The following RPH3A variants were observed in gnomAD, a reference collection of about 807,000 sequenced individuals.
RPH3A encodes the protein rabphilin 3A, also known as rabphilin-3A.
In RPH3A, 48 loss-of-function variants were observed where a neutral mutation model predicts 102.2. The observed-to-expected ratio is 0.47, with a 90% CI of 0.37 to 0.60. The LOEUF is 0.60. Ranked by LOEUF, RPH3A falls within the 20% of genes least tolerant of loss-of-function variation. The pLI, the probability that RPH3A is intolerant of heterozygous loss-of-function variation, is 0.00. For missense variants in RPH3A, 781 were observed against 910.1 expected, an observed-to-expected ratio of 0.86 and a Z score of 1.83; for synonymous variants, 310 against 324.3, an observed-to-expected ratio of 0.96 and a Z score of 0.47.
At chr12:112,734,385 G>A (rs960382384) in intron 1 of RPH3A, among the ~76,000 whole-genome samples, 3 of 152,140 alleles carry the variant, frequency 2.0e-5, no homozygotes, top group Non-Finnish European at 2.9e-5. Context: ...TGACCAAATT[G>A]CCTGAGAGCA....
At chr12:112,854,990 C>T (rs531326053) in intron 5 of RPH3A, among the ~76,000 whole-genome samples, 30 of 151,652 alleles carry the variant, frequency 2.0e-4, no homozygotes, top group African/African-American at 7.2e-4. Context: ...GTTCATTCCT[C>T]TTTACCACAG....
intron 1 of RPH3A, among the ~76,000 whole-genome samples, chr12:112,766,412 C>T (rs2040889438): frequency 6.6e-6 from 1 of 152,204 alleles, no homozygotes; most frequent in African/African-American, 2.4e-5. Flanking sequence ...CTCACCTCAA[C>T]CCCTGGTCTT....
chr12:112,661,609 C>T (rs931637772), intron 1 of RPH3A, among the ~76,000 whole-genome samples: 4 of 152,124 alleles, frequency 2.6e-5, no homozygotes, highest in African/African-American at 9.7e-5. Context: ...AGGGATCTTC[C>T]TGGAAGGAAA....
chr12:112,655,027 T>TTCCTC (rs1430199369), intron 1 of RPH3A, among the ~76,000 whole-genome samples: 10 of 152,234 alleles, frequency 6.6e-5, no homozygotes, highest in Non-Finnish European at 1.5e-4. Flanking sequence ...TGACTTCTTA[T>TTCCTC]TCCTCCTCCA....
intron 19 of RPH3A, among the ~76,000 whole-genome samples, chr12:112,891,701 C>T (rs1048528507): frequency 6.6e-6 from 1 of 152,228 alleles, no homozygotes; most frequent in Non-Finnish European, 1.5e-5. Flanking sequence ...CAAGCCAAAA[C>T]TGGCCATCAG....
rs1205594445 is a variant in RPH3A, at chr12:112,875,732, C to G, written c.937C>G (p.Gln313Glu). 2 of 1,613,892 alleles carry G rather than the reference C, an allele frequency of 1.2e-6. No homozygotes were observed. The highest frequency in any genetic ancestry group is 2.7e-5 in the African/African-American group (2 of 75,022). Residue 313 changes from glutamine to glutamate, a missense_variant, in exon 12 of 22, where the codon CAG (glutamine) becomes GAG (glutamate). This residue lies in a region of RPH3A where 730 missense variants were observed against 810.0 expected (regional missense o/e 0.90). Transcript: ENST00000389385. The part of the protein sequence containing the change: ...GPGPAGRFPD[Q>E]KPEVAPSDPG... ...TGGGCCAGCAGGACGCTTTCCAGATCAGAAGCCAGGCAAGTATCTGCTTCC... is the reference window on the plus strand; with the variant it reads ...TGGGCCAGCAGGACGCTTTCCAGATGAGAAGCCAGGCAAGTATCTGCTTCC...
chr12:112,784,535 A>G (rs2136079888), intron 1 of RPH3A, among the ~76,000 whole-genome samples: 1 of 152,352 alleles, frequency 6.6e-6, no homozygotes, highest in Non-Finnish European at 1.5e-5. Flanking sequence ...AGTAAGTTTT[A>G]TGAGATTCCA....
chr12:112,864,660 G>T lies in RPH3A; in HGVS notation c.231-754G>T, dbSNP rs1593100054. Among the ~76,000 whole-genome samples the T allele has an allele frequency of 3.3e-5, 5 of 152,284 alleles. No individual in the cohort carries two copies. The South Asian group carries it at 1.0e-3, about 32-fold the overall frequency. On this transcript the variant is annotated intron_variant, in intron 5 of 21. Coordinates refer to ENST00000389385, the MANE Select transcript of RPH3A (RefSeq NM_001143854.2). Reference sequence around the variant, plus strand: ...AAAACCATTCTTGAGCATGCATCAGGATACCTTGGAGGACTTATAAAATAC... The same window carrying T: ...AAAACCATTCTTGAGCATGCATCAGTATACCTTGGAGGACTTATAAAATAC...
chr12:112,715,914 A>G (rs1312207385), intron 1 of RPH3A, among the ~76,000 whole-genome samples: 2 of 152,178 alleles, frequency 1.3e-5, no homozygotes, highest in Non-Finnish European at 1.5e-5. Flanking sequence ...GGGGTGGATT[A>G]TTCATGCGTT....
At chr12:112,874,182 C>G (rs1389509838) in intron 10 of RPH3A, 2 of 152,226 alleles carry the variant, frequency 1.3e-5, no homozygotes, top group Non-Finnish European at 2.9e-5. Flanking sequence ...GGGCTTTCTT[C>G]CCAGAACATC....
At chr12:112,683,879 A>G (rs2040244360) in intron 1 of RPH3A, among the ~76,000 whole-genome samples, 1 of 152,150 alleles carries the variant, frequency 6.6e-6, no homozygotes, top group South Asian at 2.1e-4. Context: ...CAGGACATTG[A>G]CAGTGTCTTC....
chr12:112,733,467 T>C (rs1303602430), intron 1 of RPH3A, among the ~76,000 whole-genome samples: 1 of 152,118 alleles, frequency 6.6e-6, no homozygotes, highest in African/African-American at 2.4e-5. Flanking sequence ...AGCAGGAGTG[T>C]GCAGGGGAAG....
rs760309814 is a variant in RPH3A at position 112,828,369 on chromosome 12, T to C, written c.51T>C (p.Ser17=). 2 of 1,605,644 alleles carry C rather than the reference T, an allele frequency of 1.2e-6. No individual in the cohort carries two copies. Among genetic ancestry groups the C allele is most frequent in the Admixed American group, 3.4e-5 (2 of 58,866 alleles). Residue 17 remains serine, a synonymous_variant, in exon 3 of 22, where the codon AGT becomes AGC. Transcript: ENST00000389385. ...SNSSNRWMYP[S]DRPLQSNDKE... ...GTTCTAACCGTTGGATGTACCCCAGTGACCGGCCCCTTCAATCAAAGTAAG... is the reference window on the plus strand; with the variant it reads ...GTTCTAACCGTTGGATGTACCCCAGCGACCGGCCCCTTCAATCAAAGTAAG...
intron 4 of RPH3A, among the ~76,000 whole-genome samples, chr12:112,837,569 G>T (rs1650417455): frequency 1.3e-5 from 2 of 152,176 alleles, no homozygotes; most frequent in Admixed American, 1.3e-4. Flanking sequence ...TCAGGTGAGA[G>T]CTTTGAACAA....
At chr12:112,778,636 T>C (rs2040985262) in intron 1 of RPH3A, among the ~76,000 whole-genome samples, 2 of 152,176 alleles carry the variant, frequency 1.3e-5, no homozygotes, top group African/African-American at 4.8e-5. Flanking sequence ...GGTGCTCATA[T>C]AATGGCGTCA....
chr12:112,712,925 C>CCTCTTCTTCTTCT (rs2040477110), intron 1 of RPH3A, among the ~76,000 whole-genome samples: 7 of 94,528 alleles, frequency 7.4e-5, no homozygotes, highest in Admixed American at 1.2e-4. Context: ...CTTCTTCTTC[C>CCTCTTCTTCTTCT]TCTTCTTCTT....
At chr12:112,783,741 C>T (rs796424542) in intron 1 of RPH3A, among the ~76,000 whole-genome samples, 10 of 152,178 alleles carry the variant, frequency 6.6e-5, no homozygotes, top group African/African-American at 4.8e-5. Flanking sequence ...AAGTGACTCA[C>T]CCAAGCTCAC....
intron 1 of RPH3A, among the ~76,000 whole-genome samples, chr12:112,722,723 G>C (rs1212069276): frequency 6.6e-6 from 1 of 152,082 alleles, no homozygotes; most frequent in Admixed American, 6.5e-5. Context: ...TTGTGGTTGG[G>C]GCTGCAGCAG....
chr12:112,580,366 G>C (rs2039389030), intron 1 of RPH3A, among the ~76,000 whole-genome samples: 1 of 149,178 alleles, frequency 6.7e-6, no homozygotes, highest in South Asian at 2.2e-4. Flanking sequence ...ATTTTTAACC[G>C]AGGACTTAGC....
Sources: allele counts gnomAD v4.1 joint callset (sites outside exome capture counted in the v4.1 genomes callset), GRCh38; gene constraint gnomAD v4.1.1; regional missense constraint gnomAD v4.1.1; transcripts MANE v1.5; gene names NCBI Gene and HGNC (gene_info 2026-07-23, HGNC 2026-07-21).